CACNA1B: variants seen among roughly 807,000 people sequenced by gnomAD.
The protein encoded by CACNA1B is voltage-dependent N-type calcium channel subunit alpha-1B.
Under a neutral mutation model 247.2 loss-of-function variants are expected in CACNA1B, and 70 were observed. That is an observed-to-expected ratio of 0.28 (90% CI 0.23 to 0.35). The LOEUF is 0.35. CACNA1B is among the 10% of genes least tolerant of loss of function. The probability of loss-of-function intolerance (pLI) is 1.00; values close to 1 mark genes in which losing one functional copy is unlikely to be tolerated. For missense variants in CACNA1B, 2,367 were observed against 3,197.4 expected, an observed-to-expected ratio of 0.74 and a Z score of 6.26; for synonymous variants, 1,231 against 1,294.4, an observed-to-expected ratio of 0.95 and a Z score of 1.05.
At chr9:137,993,259 G>A (rs557597275) in intron 15 of CACNA1B, among the ~76,000 whole-genome samples, 2 of 151,884 alleles carry the variant, frequency 1.3e-5, no homozygotes, top group Non-Finnish European at 2.9e-5. Flanking sequence ...GTTCTTTTTA[G>A]ATAAATAAAA....
chr9:137,949,566 G>C (rs930869616), intron 6 of CACNA1B, among the ~76,000 whole-genome samples: 1 of 152,008 alleles, frequency 6.6e-6, no homozygotes, highest in Non-Finnish European at 1.5e-5. Flanking sequence ...GATTTATCAT[G>C]AGGAACTGGC....
chr9:138,102,843 C>A lies in CACNA1B; in HGVS notation c.5319+36C>A. ...ACCCTGCAACCCGCCCCCCAGGAGG[C>A]TGTGTGTGCTTGCTGAGGGGTGCTT... On this transcript the variant is annotated intron_variant, in intron 38 of 46. Coordinates refer to ENST00000371372, the MANE Select transcript of CACNA1B (RefSeq NM_000718.4). The surrounding 1 kb of genome is among the most constrained non-coding windows in gnomAD (Gnocchi z 5.4). The A allele has an allele frequency of 1.5e-6, 2 of 1,367,366 alleles. No homozygotes were observed. The highest frequency in any genetic ancestry group is 1.0e-6 in the Non-Finnish European group (1 of 965,742). The allele number at this position is 1,367,366 out of a possible 1,614,324, so 84.7% of individuals were successfully genotyped here. A position where few individuals can be genotyped will look rare whatever the true frequency, so the allele number is the denominator to read the frequency against.
intron 20 of CACNA1B, among the ~76,000 whole-genome samples, chr9:138,043,489 G>A (rs769661348): frequency 3.9e-5 from 6 of 152,152 alleles, no homozygotes; most frequent in Admixed American, 6.5e-5. Flanking sequence ...CCCTCAGCGC[G>A]GCAGAGGGGT....
Position 137,882,680 on chromosome 9 carries a change from C to T in CACNA1B, c.391-64C>T, listed in dbSNP as rs1956941468. The stretch of plus-strand genomic sequence containing the variant: ...ATGGTGGGGTGGGGTCCTCACCAAC[C>T]GTCTCTGCCCGCTACTACACCGGGT... On this transcript the variant is annotated intron_variant, in intron 2 of 46. Coordinates refer to ENST00000371372, the MANE Select transcript of CACNA1B (RefSeq NM_000718.4). This position sits in a 1 kb window ranked among gnomAD's most constrained non-coding sequence, Gnocchi z 4.0. 1.1e-5 allele frequency: 17 copies of T among 1,596,244 alleles called. No homozygotes were observed. In the Admixed American group the frequency reaches 1.3e-4, roughly 13 times the overall value.
In CACNA1B at chr9:137,957,910, C is replaced by T. The variant is rs1957969281; in HGVS notation, c.1333+223C>T. On this transcript the variant is annotated intron_variant, in intron 10 of 46. Coordinates refer to ENST00000371372, the MANE Select transcript of CACNA1B (RefSeq NM_000718.4). This position sits in a 1 kb window ranked among gnomAD's most constrained non-coding sequence, Gnocchi z 4.7. ...GAGGACTCTATAGGGCCACCTCTCT[C>T]TTCAGCCCCTGTCTCTTTTTCACTT... is the stretch of plus-strand genomic sequence containing the variant. Among the ~76,000 whole-genome samples, 1 of 152,244 alleles carries T rather than the reference C, an allele frequency of 6.6e-6. No homozygotes were observed. The highest frequency in any genetic ancestry group is 2.1e-4 in the South Asian group (1 of 4,832).
rs969375262 is a variant in CACNA1B at position 138,010,386 on chromosome 9, C to G, written c.2160+309C>G. On this transcript the variant is annotated intron_variant, in intron 17 of 46. Transcript: ENST00000371372. The surrounding 1 kb of genome is among the most constrained non-coding windows in gnomAD (Gnocchi z 5.3). Reference sequence around the variant, plus strand: ...GGAGGAGCAGCTGGTGGCCCTATCCCAGCACAGCTGTGCCACAGTGGGACA... The same window carrying G: ...GGAGGAGCAGCTGGTGGCCCTATCCGAGCACAGCTGTGCCACAGTGGGACA... Among the ~76,000 whole-genome samples the G allele has an allele frequency of 1.3e-5, 2 of 152,186 alleles. No homozygotes were observed. The highest frequency in any genetic ancestry group is 4.8e-5 in the African/African-American group (2 of 41,436).
At chr9:138,084,837 A>G (rs1309691937) in intron 36 of CACNA1B, among the ~76,000 whole-genome samples, 1 of 150,644 alleles carries the variant, frequency 6.6e-6, no homozygotes, top group Non-Finnish European at 1.5e-5. Flanking sequence ...CTGTAGTCCC[A>G]GCTACTCGGG....
At position 137,917,562 on chromosome 9, in the gene CACNA1B, C is replaced by T. The variant is rs1957426071; in HGVS notation, c.966+131C>T. 1 of 758,222 alleles carries T rather than the reference C, an allele frequency of 1.3e-6. No homozygotes were observed. Among genetic ancestry groups the T allele is most frequent in the Non-Finnish European group, 2.1e-6 (1 of 469,126 alleles). 47.0% of individuals were successfully genotyped at this position (758,222 alleles called of 1,614,324 possible). On this transcript the variant is annotated intron_variant, in intron 6 of 46. Transcript: ENST00000371372. The surrounding 1 kb of genome is among the most constrained non-coding windows in gnomAD (Gnocchi z 5.5). The stretch of plus-strand genomic sequence containing the variant: ...CCAGCCCTAGGCTCCTCCCTGCACC[C>T]CTAGGATGAAATGCAGGCTCTTTCC...
intron 35 of CACNA1B, among the ~76,000 whole-genome samples, chr9:138,076,171 C>G (rs72769086): frequency 2.0e-5 from 3 of 152,176 alleles, no homozygotes; most frequent in Admixed American, 2.0e-4. Context: ...TGGGCCAGGC[C>G]GGCCTCTGCT....
chr9:137,886,100 G>A (rs1159994292), intron 3 of CACNA1B, among the ~76,000 whole-genome samples: 6 of 151,680 alleles, frequency 4.0e-5, no homozygotes, highest in East Asian at 3.9e-4. Flanking sequence ...TCCTGTGGTC[G>A]TCTGAGTGGA....
chr9:137,911,119 C>A (rs995630544), intron 3 of CACNA1B, among the ~76,000 whole-genome samples: 2 of 152,164 alleles, frequency 1.3e-5, no homozygotes, highest in African/African-American at 2.4e-5. Context: ...ATCATTCTTT[C>A]TCCACTTAAT....
chr9:137,971,480 C>T lies in CACNA1B; in HGVS notation c.1431C>T (p.Arg477=). The change falls in exon 11 of 47, where the codon CGC becomes CGT. Residue 477 remains arginine, a synonymous_variant. Coordinates refer to ENST00000371372, the MANE Select transcript of CACNA1B (RefSeq NM_000718.4). The surrounding 1 kb of genome is among the most constrained non-coding windows in gnomAD (Gnocchi z 4.4). ...KEKMFRFFIR[R]MVKAQSFYWV... is the part of the protein sequence containing the mutation. Reference sequence around the variant, plus strand: ...AGATGTTCCGGTTTTTTATCCGGCGCATGGTGAAGGCTCAGAGCTTCTACT... The same window carrying T: ...AGATGTTCCGGTTTTTTATCCGGCGTATGGTGAAGGCTCAGAGCTTCTACT... 2 of 1,613,610 alleles carry T rather than the reference C, an allele frequency of 1.2e-6. No individual in the cohort carries two copies. The highest frequency in any genetic ancestry group is 8.5e-7 in the Non-Finnish European group (1 of 1,179,692).
In CACNA1B at chr9:138,102,995, G is replaced by A. The variant is rs1961304528; in HGVS notation, c.5319+188G>A. ...CATCCCAGCTTCCTTCCCAGACAGA[G>A]GGATGTGGCCACCATGATGTCTCAC... On this transcript the variant is annotated intron_variant, in intron 38 of 46. Coordinates refer to ENST00000371372, the MANE Select transcript of CACNA1B (RefSeq NM_000718.4). The surrounding 1 kb of genome is among the most constrained non-coding windows in gnomAD (Gnocchi z 5.4). Among the ~76,000 whole-genome samples, 1 of 152,154 alleles carries A rather than the reference G, an allele frequency of 6.6e-6. No individual in the cohort carries two copies. Among genetic ancestry groups the A allele is most frequent in the Non-Finnish European group, 1.5e-5 (1 of 68,030 alleles).
chr9:137,881,939 T>C lies in CACNA1B; in HGVS notation c.391-805T>C, dbSNP rs1956927656. 6.6e-6 allele frequency among the ~76,000 whole-genome samples: 1 copy of C among 152,178 alleles called. No individual in the cohort carries two copies. The highest frequency in any genetic ancestry group is 2.4e-5 in the African/African-American group (1 of 41,458). ...TTCTCAAAATCGAGCTGTGGAAGCC[T>C]TGCCTGCAGGCGCCACGCCCTCTGG... On this transcript the variant is annotated intron_variant, in intron 2 of 46. Transcript: ENST00000371372. This position sits in a 1 kb window ranked among gnomAD's most constrained non-coding sequence, Gnocchi z 4.3.
Position 137,881,073 on chromosome 9 carries a change from G to A in CACNA1B, c.391-1671G>A, listed in dbSNP as rs1956911207. Reference sequence around the variant, plus strand: ...GGCTCCTTCCCAGCTGAGGGTGCTGGCTGGTCCTTCCTAGGCGTCGGGCCT... The same window carrying A: ...GGCTCCTTCCCAGCTGAGGGTGCTGACTGGTCCTTCCTAGGCGTCGGGCCT... On this transcript the variant is annotated intron_variant, in intron 2 of 46. Transcript: ENST00000371372. The surrounding 1 kb of genome is among the most constrained non-coding windows in gnomAD (Gnocchi z 4.3). Among the ~76,000 whole-genome samples, 1 of 152,234 alleles carries A rather than the reference G, an allele frequency of 6.6e-6. No homozygotes were observed. Among genetic ancestry groups the A allele is most frequent in the Non-Finnish European group, 1.5e-5 (1 of 68,034 alleles).
intron 13 of CACNA1B, 37 bp downstream of exon 13, chr9:137,984,287 G>A (rs1450499440): frequency 2.1e-6 from 3 of 1,435,970 alleles, no homozygotes; most frequent in Admixed American, 3.9e-5. Context: ...GGCAGGTGTA[G>A]GGTGGAGAGG....
intron 34 of CACNA1B, among the ~76,000 whole-genome samples, chr9:138,074,594 C>T (rs1960250267): frequency 6.6e-6 from 1 of 152,246 alleles, no homozygotes; most frequent in East Asian, 1.9e-4. Flanking sequence ...CATGGAGGCA[C>T]CACAAGATTG....
At chr9:138,025,236 C>T (rs1958907358) in intron 20 of CACNA1B, 64 bp downstream of exon 20, 1 of 1,112,336 alleles carries the variant, frequency 9.0e-7, no homozygotes, top group Non-Finnish European at 1.3e-6. Flanking sequence ...ACCCCCATTC[C>T]CTCCTGCTCC....
chr9:138,109,180 T>C (rs894159839), intron 39 of CACNA1B, among the ~76,000 whole-genome samples: 1 of 152,228 alleles, frequency 6.6e-6, no homozygotes, highest in African/African-American at 2.4e-5. Context: ...TCATGTATCA[T>C]AGACTCACTT....
Sources: gnomAD v4.1 joint callset for allele counts (sites outside exome capture counted in the v4.1 genomes callset) on GRCh38, gnomAD v4.1.1 for gene constraint, Gnocchi (gnomAD v3.1) non-coding constraint, MANE v1.5 for transcripts, NCBI Gene and HGNC (gene_info 2026-07-23, HGNC 2026-07-21) for gene names.